Variants in DHDDS observed in about 807,000 individuals in gnomAD.
The protein encoded by DHDDS is dehydrodolichyl diphosphate synthase subunit, also known as dehydrodolichyl diphosphate synthase complex subunit DHDDS.
A neutral mutation model predicts 46.2 loss-of-function variants in DHDDS; 16 were observed. The observed-to-expected ratio is 0.35, with a 90% CI of 0.23 to 0.53. The LOEUF (loss-of-function observed/expected upper bound fraction) is 0.53, where lower values mean the gene tolerates loss of function less well. DHDDS is among the 20% of genes least tolerant of loss of function. The pLI is 0.94. For synonymous variants in DHDDS, 151 were observed against 163.1 expected (o/e 0.93, Z 0.56); for missense variants, 340 against 423.7 (o/e 0.80, Z 1.73).
chr1:26,452,418 T>C (rs931384610), intron 6 of DHDDS, among the ~76,000 whole-genome samples: 2 of 152,206 alleles, frequency 1.3e-5, no homozygotes, highest in Admixed American at 6.5e-5. Context: ...AAGAAGGAAG[T>C]AGATTGAGAC....
At chr1:26,464,603 C>T (rs887749357) in intron 8 of DHDDS, among the ~76,000 whole-genome samples, 5 of 152,336 alleles carry the variant, frequency 3.3e-5, no homozygotes, top group South Asian at 2.1e-4. Flanking sequence ...TCCAGACTAA[C>T]AGCATCCTCA....
intron 2 of DHDDS, chr1:26,433,245 C>T: frequency 3.4e-6 from 2 of 580,498 alleles, no homozygotes; most frequent in Non-Finnish European, 3.1e-6. Flanking sequence ...GCAGCCTAGA[C>T]TGCTAAGTAT....
At chr1:26,443,677 A>G (rs1487464177) in intron 4 of DHDDS, among the ~76,000 whole-genome samples, 6 of 152,092 alleles carry the variant, frequency 3.9e-5, no homozygotes, top group Non-Finnish European at 8.8e-5. Context: ...AGCCTAGAAC[A>G]ATGGGTGGTA....
At position 26,446,407 on chromosome 1, in the gene DHDDS, G is replaced by A. The variant is rs753558346; in HGVS notation, c.415G>A (p.Val139Ile). ...TCTCCAGGAGCTGATTGCACAAGCT[G>A]TACAGGCCACGAAGAACTACAACAA... is the stretch of plus-strand genomic sequence containing the variant. ...LDLQELIAQA[V>I]QATKNYNKCF... The change falls in exon 5 of 9, where the codon GTA becomes ATA. Residue 139 changes from valine (V) to isoleucine (I), a missense_variant. By Grantham distance (29) the Val-to-Ile change is conservative (BLOSUM62 3). Around this residue, in one of 2 missense-constraint regions of DHDDS, gnomAD observed 268 missense variants for 300.3 expected, o/e 0.89. Transcript: ENST00000236342. The A allele has an allele frequency of 3.7e-6, 6 of 1,613,898 alleles. No homozygotes were observed. Among genetic ancestry groups the A allele is most frequent in the African/African-American group, 1.3e-5 (1 of 75,024 alleles).
intron 3 of DHDDS, among the ~76,000 whole-genome samples, chr1:26,441,841 A>G (rs1167387268): frequency 6.6e-6 from 1 of 150,926 alleles, no homozygotes; most frequent in African/African-American, 2.4e-5. Flanking sequence ...GGTTGTAGTG[A>G]GCCAAGATTG....
intron 6 of DHDDS, among the ~76,000 whole-genome samples, chr1:26,449,622 A>G (rs906379536): frequency 6.6e-6 from 1 of 150,780 alleles, no homozygotes; most frequent in Non-Finnish European, 1.5e-5. Context: ...GCAATGGTAC[A>G]ATCTCGGCTC....
intron 5 of DHDDS, among the ~76,000 whole-genome samples, chr1:26,447,004 G>A (rs943169950): frequency 6.6e-6 from 1 of 152,086 alleles, no homozygotes; most frequent in Non-Finnish European, 1.5e-5. Flanking sequence ...TCTGAAAGCC[G>A]GTGTACAGTA....
intron 6 of DHDDS, chr1:26,454,983 T>G: frequency 1.4e-5 from 22 of 1,541,392 alleles, no homozygotes; most frequent in Non-Finnish European, 2.0e-5. Flanking sequence ...TGGGCACACC[T>G]GCCAGCTCCA....
intron 8 of DHDDS, chr1:26,467,392 A>G (rs1280708608): frequency 4.3e-6 from 2 of 468,250 alleles, no homozygotes; most frequent in Non-Finnish European, 8.9e-6. Flanking sequence ...ATAGCTCCAC[A>G]TGTAATTCAT....
At chr1:26,437,083 T>C (rs1213102174) in intron 2 of DHDDS, among the ~76,000 whole-genome samples, 1 of 151,638 alleles carries the variant, frequency 6.6e-6, no homozygotes, top group East Asian at 2.0e-4. Flanking sequence ...GGCAGGAGAA[T>C]GGCGTGAACC....
At chr1:26,447,442 C>T in intron 5 of DHDDS, 117 bp from the exon 6 acceptor site, 1 of 818,152 alleles carries the variant, frequency 1.2e-6, no homozygotes, top group South Asian at 1.4e-5. Flanking sequence ...CCACAATTAA[C>T]ATTTGATGTG....
Position 26,469,499 on chromosome 1 carries a change from C to T in DHDDS, c.*368C>T, listed in dbSNP as rs931273148. ...GGAAGAGTTCTCCCCAAAACCCTAGCTCTTTACCCTTCCATTTTAGCCTTC... is the reference window on the plus strand; with the variant it reads ...GGAAGAGTTCTCCCCAAAACCCTAGTTCTTTACCCTTCCATTTTAGCCTTC... On this transcript the variant is annotated 3_prime_UTR_variant, in exon 9 of 9. Transcript: ENST00000236342. 2 of 339,804 alleles carry T rather than the reference C, an allele frequency of 5.9e-6. No individual in the cohort carries two copies. The highest frequency in any genetic ancestry group is 5.7e-6 in the Non-Finnish European group (1 of 176,070). The allele number at this position is 339,804 out of a possible 1,614,324, so 21.0% of individuals were successfully genotyped here.
At chr1:26,451,987 T>C (rs1228775434) in intron 6 of DHDDS, among the ~76,000 whole-genome samples, 1 of 152,134 alleles carries the variant, frequency 6.6e-6, no homozygotes, top group Non-Finnish European at 1.5e-5. Context: ...CCTCAAGTGA[T>C]CTGCCCACCT....
chr1:26,447,499 T>C, intron 5 of DHDDS, 60 bp from the exon 6 acceptor site: 1 of 1,358,906 alleles, frequency 7.4e-7, no homozygotes, highest in Non-Finnish European at 1.1e-6. Flanking sequence ...CTGTAATCAG[T>C]GACTTCAATC....
intron 2 of DHDDS, among the ~76,000 whole-genome samples, chr1:26,434,088 A>G (rs774891950): frequency 1.8e-4 from 27 of 152,244 alleles, no homozygotes; most frequent in Non-Finnish European, 3.8e-4. Context: ...CTGTAGAATT[A>G]TCATGAGAAT....
At chr1:26,446,846 C>G (rs1312758908) in intron 5 of DHDDS, among the ~76,000 whole-genome samples, 1 of 152,170 alleles carries the variant, frequency 6.6e-6, no homozygotes, top group African/African-American at 2.4e-5. Flanking sequence ...GGAGGTCATA[C>G]AGATGTACAG....
At chr1:26,447,777 C>A in intron 6 of DHDDS, 117 bp downstream of exon 6, 1 of 882,908 alleles carries the variant, frequency 1.1e-6, no homozygotes, top group Non-Finnish European at 1.9e-6. Flanking sequence ...CCACTTGAGG[C>A]AGGCCAGGAG....
At chr1:26,461,937 CTA>C (rs1207967935) in intron 8 of DHDDS, among the ~76,000 whole-genome samples, 1 of 152,148 alleles carries the variant, frequency 6.6e-6, no homozygotes, top group African/African-American at 2.4e-5. Flanking sequence ...CCTCTAAAAA[CTA>C]AAACTTTACC....
chr1:26,469,147 T>TG lies in DHDDS; in HGVS notation c.*17dup. 4 of 1,611,768 alleles carry TG rather than the reference T, an allele frequency of 2.5e-6. No individual in the cohort carries two copies. The highest frequency in any genetic ancestry group is 3.4e-6 in the Non-Finnish European group (4 of 1,180,038). On this transcript the variant is annotated 3_prime_UTR_variant, in exon 9 of 9. Coordinates refer to ENST00000236342, the MANE Select transcript of DHDDS (RefSeq NM_205861.3). ...ATCAGCCTGAATGAGGCTGGCCACC[T>TG]GCCACTTTGCCCTGCCCTCTGCCTC...
Sources: gnomAD v4.1 joint callset for allele counts (sites outside exome capture counted in the v4.1 genomes callset) on GRCh38, gnomAD v4.1.1 for gene constraint, gnomAD v4.1.1 regional missense constraint, MANE v1.5 for transcripts, NCBI Gene and HGNC (gene_info 2026-07-23, HGNC 2026-07-21) for gene names.